TMEM132B: variants seen among roughly 807,000 people sequenced by gnomAD.
The protein encoded by TMEM132B is transmembrane protein 132B.
In TMEM132B, 18 loss-of-function variants were observed where a neutral mutation model predicts 90.8. That is an observed-to-expected ratio of 0.20 (90% confidence interval 0.14 to 0.29). The LOEUF is 0.29. TMEM132B is among the 10% of genes least tolerant of loss of function. The pLI, the probability that TMEM132B is intolerant of heterozygous loss-of-function variation, is 1.00. For synonymous variants in TMEM132B, 504 were observed against 523.3 expected, an observed-to-expected ratio of 0.96 and a Z score of 0.50; for missense variants, 1,096 against 1,326.8, an observed-to-expected ratio of 0.83 and a Z score of 2.70.
chr12:125,247,746 T>G (rs1337698391), intron 1 of TMEM132B, among the ~76,000 whole-genome samples: 1 of 152,202 alleles, frequency 6.6e-6, no homozygotes, highest in East Asian at 1.9e-4. Context: ...CTAGCCGATG[T>G]CACCGGCCCT....
rs1887196326 is a variant in TMEM132B at position 125,661,047 on chromosome 12, G to A, written c.*6337G>A. 2.0e-5 allele frequency: 3 copies of A among 152,148 alleles called. No individual in the cohort carries two copies. 9.4% of individuals were successfully genotyped at this position (152,148 alleles called of 1,614,324 possible). A position where few individuals can be genotyped will look rare whatever the true frequency, so the allele number is the denominator to read the frequency against. On this transcript the variant is annotated 3_prime_UTR_variant, in exon 9 of 9. Coordinates refer to ENST00000682704, the MANE Select transcript of TMEM132B (RefSeq NM_001366854.1). ...AACTTTTGACCTGACACATCTTTCT[G>A]TACTTCCTGTGGCCAAAAAAGCAAG...
intron 5 of TMEM132B, among the ~76,000 whole-genome samples, chr12:125,589,965 G>A (rs1442475345): frequency 6.6e-6 from 1 of 152,132 alleles, no homozygotes; most frequent in Non-Finnish European, 1.5e-5. Flanking sequence ...CTGGTGGGAG[G>A]TGTTTGGGTC....
At chr12:125,462,116 G>T (rs1359252933) in intron 3 of TMEM132B, among the ~76,000 whole-genome samples, 4 of 152,162 alleles carry the variant, frequency 2.6e-5, no homozygotes, top group Non-Finnish European at 4.4e-5. Context: ...GACTAAAAGT[G>T]TGGAATGGTA....
intron 5 of TMEM132B, among the ~76,000 whole-genome samples, chr12:125,609,249 GTGTT>G (rs1207987647): frequency 1.3e-5 from 2 of 152,134 alleles, no homozygotes; most frequent in African/African-American, 4.8e-5. Context: ...GACCAAAAAT[GTGTT>G]TGTTTATTTA....
chr12:125,638,639 G>A (rs61940798), intron 5 of TMEM132B, among the ~76,000 whole-genome samples: 35,423 of 151,728 alleles, frequency 0.23, 4,602 homozygotes, highest in African/African-American at 0.34. Flanking sequence ...CACATGTCTC[G>A]GGTTGGCAGA....
intron 5 of TMEM132B, chr12:125,585,355 T>G (rs1885156206): frequency 1.3e-5 from 2 of 152,128 alleles, no homozygotes; most frequent in South Asian, 4.1e-4. Context: ...ATTCAGAGTT[T>G]AGAAAGAGCT....
In TMEM132B at chr12:125,432,493, G is replaced by GTATATATATGTATGTGTA. The variant is rs1566034793; in HGVS notation, c.1106+16827_1106+16828insATGTGTATATATATATGT. Among the ~76,000 whole-genome samples, 57 of 53,122 alleles carry GTATATATATGTATGTGTA rather than the reference G, an allele frequency of 1.1e-3. 16 individuals are homozygous for GTATATATATGTATGTGTA. The highest frequency in any genetic ancestry group is 9.5e-3 in the African/African-American group (54 of 5,700). 34.9% of individuals were successfully genotyped at this position (53,122 alleles called of 152,430 possible). Reference sequence around the variant, plus strand: ...TATGTATGTGTATATATATGTATGTGTATATATATGTGTGTGTGTATATAT... The same window carrying GTATATATATGTATGTGTA: ...TATGTATGTGTATATATATGTATGTGTATATATATGTATGTGTATATATATATGTGTGTGTGTATATAT... On this transcript the variant is annotated intron_variant, in intron 3 of 8. Coordinates refer to ENST00000682704, the MANE Select transcript of TMEM132B (RefSeq NM_001366854.1).
chr12:125,325,668 CCTGTGTGTGTGTGT>C (rs771295026), intron 1 of TMEM132B, among the ~76,000 whole-genome samples: 70 of 139,462 alleles, frequency 5.0e-4, no homozygotes, highest in Middle Eastern at 3.9e-3. Flanking sequence ...TGCCTCCCAC[CCTGTGTGTGTGTGT>C]GTGTGTGTGT....
chr12:125,265,038 A>G (rs1269780890), intron 1 of TMEM132B, among the ~76,000 whole-genome samples: 3 of 152,222 alleles, frequency 2.0e-5, no homozygotes, highest in South Asian at 4.1e-4. Flanking sequence ...CACCTAGGCT[A>G]TTAACCTGTA....
chr12:125,456,315 C>T lies in TMEM132B; in HGVS notation c.1106+40638C>T, dbSNP rs147981475. 9.6e-3 allele frequency among the ~76,000 whole-genome samples: 1,456 copies of T among 152,300 alleles called. 13 individuals are homozygous for T. Among genetic ancestry groups the T allele is most frequent in the Non-Finnish European group, 0.014 (944 of 68,034 alleles). ...AGCTTTCCTGGGAAGATGGCCAGGA[C>T]GAATCCCCAGACCATTACAGTTAAA... is the stretch of plus-strand genomic sequence containing the variant. On this transcript the variant is annotated intron_variant, in intron 3 of 8. Coordinates refer to ENST00000682704, the MANE Select transcript of TMEM132B (RefSeq NM_001366854.1).
chr12:125,461,131 G>A (rs1042784933), intron 3 of TMEM132B, among the ~76,000 whole-genome samples: 1 of 152,226 alleles, frequency 6.6e-6, no homozygotes, highest in African/African-American at 2.4e-5. Flanking sequence ...GGAATACTCA[G>A]CAGGGGAGGC....
intron 3 of TMEM132B, among the ~76,000 whole-genome samples, chr12:125,500,306 A>G (rs1334413967): frequency 6.6e-6 from 1 of 152,194 alleles, no homozygotes; most frequent in Non-Finnish European, 1.5e-5. Context: ...GGCTGGGGGA[A>G]TCTCTGGTGG....
chr12:125,333,621 G>A (rs553159784), intron 1 of TMEM132B, among the ~76,000 whole-genome samples: 1 of 152,316 alleles, frequency 6.6e-6, no homozygotes, highest in Admixed American at 6.5e-5. Context: ...AGGGAATGGT[G>A]GGGACTGTGG....
Position 125,349,612 on chromosome 12 carries a change from G to A in TMEM132B, c.228G>A (p.Glu76=). 1 of 1,614,130 alleles carries A rather than the reference G, an allele frequency of 6.2e-7. No homozygotes were observed. Among genetic ancestry groups the A allele is most frequent in the Non-Finnish European group, 8.5e-7 (1 of 1,180,032 alleles). The change falls in exon 2 of 9, where the codon GAG becomes GAA. Residue 76 remains glutamate, a synonymous_variant. Coordinates refer to ENST00000682704, the MANE Select transcript of TMEM132B (RefSeq NM_001366854.1). The surrounding 1 kb of genome is among the most constrained non-coding windows in gnomAD (Gnocchi z 4.1). The stretch of plus-strand genomic sequence containing the variant: ...ACTCCAGTCTGCAGGCCCGGGTGGA[G>A]CCATTCTTCATCTACCGAGCCAGGA... ...TRNSSLQARV[E]PFFIYRARTP...
chr12:125,252,829 G>A (rs768998135), intron 1 of TMEM132B, among the ~76,000 whole-genome samples: 1 of 152,112 alleles, frequency 6.6e-6, no homozygotes, highest in African/African-American at 2.4e-5. Flanking sequence ...GTCACTCTCC[G>A]GTCTGTGCAC....
At chr12:125,323,846 G>A (rs1035788296) in intron 1 of TMEM132B, among the ~76,000 whole-genome samples, 1 of 152,190 alleles carries the variant, frequency 6.6e-6, no homozygotes, top group African/African-American at 2.4e-5. Context: ...GAAAATGGTA[G>A]TGCCTACCTA....
intron 5 of TMEM132B, among the ~76,000 whole-genome samples, chr12:125,636,821 C>T (rs1225384936): frequency 6.6e-6 from 1 of 152,220 alleles, no homozygotes; most frequent in African/African-American, 2.4e-5. Context: ...GATTATCTCA[C>T]ATCTTCTCTC....
intron 5 of TMEM132B, among the ~76,000 whole-genome samples, chr12:125,635,980 A>T (rs1291498220): frequency 6.6e-6 from 1 of 152,114 alleles, no homozygotes; most frequent in African/African-American, 2.4e-5. Flanking sequence ...TCCCTCCCCC[A>T]GTGCACTGAA....
At position 125,432,674 on chromosome 12, in the gene TMEM132B, G is replaced by A. The variant is rs564815637; in HGVS notation, c.1106+16997G>A. ...CTTTTGCTGGTTGGGAGCATTTTTA[G>A]AATTTCATTTTTGATATATCAACTT... On this transcript the variant is annotated intron_variant, in intron 3 of 8. Coordinates refer to ENST00000682704, the MANE Select transcript of TMEM132B (RefSeq NM_001366854.1). Among the ~76,000 whole-genome samples, 11 of 151,332 alleles carry A rather than the reference G, an allele frequency of 7.3e-5. No homozygotes were observed. The South Asian group carries it at 2.3e-3, about 32-fold the overall frequency.
Sources: gnomAD v4.1 joint callset for allele counts (sites outside exome capture counted in the v4.1 genomes callset) on GRCh38, gnomAD v4.1.1 for gene constraint, Gnocchi (gnomAD v3.1) non-coding constraint, MANE v1.5 for transcripts, NCBI Gene and HGNC (gene_info 2026-07-23, HGNC 2026-07-21) for gene names.